WWOX: variants seen among roughly 807,000 people sequenced by gnomAD.
WWOX encodes WW domain-containing oxidoreductase.
Under a neutral mutation model 46.2 loss-of-function variants are expected in WWOX, and 69 were observed. That is an observed-to-expected ratio of 1.49 (90% CI 1.23 to 1.82). The LOEUF is 1.82. Among genes scored for constraint, WWOX ranks in the 40% most tolerant of loss-of-function variants. The pLI is 0.00. For missense variants in WWOX, 919 were observed against 542.6 expected (o/e 1.69, Z -6.89); for synonymous variants, 359 against 202.6 (o/e 1.77, Z -6.56).
chr16:78,397,028 A>C (rs544942246), intron 6 of WWOX, among the ~76,000 whole-genome samples: 10 of 152,322 alleles, frequency 6.6e-5, no homozygotes, highest in African/African-American at 2.2e-4. Context: ...TTTTTCTTAG[A>C]AAATGGGTTA....
chr16:78,781,659 T>A (rs2050329096), intron 8 of WWOX, among the ~76,000 whole-genome samples: 2 of 152,178 alleles, frequency 1.3e-5, no homozygotes, highest in Non-Finnish European at 2.9e-5. Context: ...TGGTGGCTCA[T>A]GCCTCTAATC....
intron 8 of WWOX, among the ~76,000 whole-genome samples, chr16:78,452,478 T>C (rs553231632): frequency 5.7e-4 from 84 of 147,780 alleles, no homozygotes; most frequent in African/African-American, 2.1e-3. Flanking sequence ...TCTCTCTCTT[T>C]TTTTTTTTTT....
intron 8 of WWOX, among the ~76,000 whole-genome samples, chr16:78,902,999 T>C (rs113074365): frequency 6.0e-4 from 91 of 152,320 alleles, no homozygotes; most frequent in African/African-American, 2.1e-3. Flanking sequence ...GTGTCCGGGT[T>C]CTTGGCATTT....
intron 8 of WWOX, among the ~76,000 whole-genome samples, chr16:79,200,586 G>T (rs2051327577): frequency 6.6e-6 from 1 of 152,116 alleles, no homozygotes; most frequent in African/African-American, 2.4e-5. Flanking sequence ...ACAGGTCGTT[G>T]GCACCTAAGA....
rs79774852 is a variant in WWOX, at chr16:78,514,748, C to G, written c.1056+81996C>G. Among the ~76,000 whole-genome samples, 496 of 152,296 alleles carry G rather than the reference C, an allele frequency of 3.3e-3. 2 individuals carry two copies. The highest frequency in any genetic ancestry group is 0.01 in the Middle Eastern group (3 of 294). ...CAGGGTGGTTTTCTGGCTATATAAACACACAGGCATTGAAAATAGATATAC... is the reference window on the plus strand; with the variant it reads ...CAGGGTGGTTTTCTGGCTATATAAAGACACAGGCATTGAAAATAGATATAC... On this transcript the variant is annotated intron_variant, in intron 8 of 8. Transcript: ENST00000566780.
chr16:79,127,384 G>T (rs1219895794), intron 8 of WWOX, among the ~76,000 whole-genome samples: 1 of 151,990 alleles, frequency 6.6e-6, no homozygotes, highest in Non-Finnish European at 1.5e-5. Context: ...TACACACCTT[G>T]CTCTTTTTGC....
At chr16:78,761,318 T>G (rs1053046999) in intron 8 of WWOX, among the ~76,000 whole-genome samples, 6 of 152,198 alleles carry the variant, frequency 3.9e-5, no homozygotes, top group Admixed American at 2.6e-4. Flanking sequence ...TCTGTTTGGA[T>G]TTTCCTGGCC....
At chr16:78,609,998 C>T (rs974970975) in intron 8 of WWOX, among the ~76,000 whole-genome samples, 3 of 118,392 alleles carry the variant, frequency 2.5e-5, no homozygotes, top group Non-Finnish European at 4.8e-5. Context: ...GTGACGCAAA[C>T]GACCTTTATT....
At chr16:78,507,028 A>C (rs1466707327) in intron 8 of WWOX, among the ~76,000 whole-genome samples, 1 of 152,134 alleles carries the variant, frequency 6.6e-6, no homozygotes, top group Non-Finnish European at 1.5e-5. Context: ...GGTCCCTTCT[A>C]ACCTGTGCTG....
At chr16:78,894,897 C>T (rs2044668145) in intron 8 of WWOX, among the ~76,000 whole-genome samples, 1 of 152,138 alleles carries the variant, frequency 6.6e-6, no homozygotes, top group Non-Finnish European at 1.5e-5. Flanking sequence ...TCGGAATTTT[C>T]AATCAGAAAT....
chr16:78,568,764 A>G (rs1047588284), intron 8 of WWOX, among the ~76,000 whole-genome samples: 19 of 152,146 alleles, frequency 1.2e-4, no homozygotes, highest in Admixed American at 7.9e-4. Flanking sequence ...CATGAGCCAC[A>G]GCGTCCAGCC....
chr16:78,894,049 T>TATTATTATTATTATTATTATTATTATA (rs879592229), intron 8 of WWOX, among the ~76,000 whole-genome samples: 1 of 148,130 alleles, frequency 6.8e-6, no homozygotes, highest in Admixed American at 6.8e-5. Context: ...TTATTATTAT[T>TATTATTATTATTATTATTATTATTATA]ATATTTTGAG....
chr16:78,870,427 C>G (rs1365026189), intron 8 of WWOX, among the ~76,000 whole-genome samples: 4 of 152,106 alleles, frequency 2.6e-5, no homozygotes, highest in African/African-American at 9.7e-5. Context: ...GCTTGAATGA[C>G]CTGCCATCAT....
At chr16:78,720,980 G>C (rs574160950) in intron 8 of WWOX, among the ~76,000 whole-genome samples, 13 of 152,216 alleles carry the variant, frequency 8.5e-5, no homozygotes, top group African/African-American at 3.1e-4. Flanking sequence ...AATCACCACC[G>C]TGCCTGGAGA....
chr16:78,860,096 A>G (rs11642489), intron 8 of WWOX, among the ~76,000 whole-genome samples: 34,260 of 152,118 alleles, frequency 0.23, 4,099 homozygotes, highest in South Asian at 0.33. Context: ...ACAAACACAT[A>G]AACTTTTGGC....
chr16:79,167,719 G>T (rs1216698934), intron 8 of WWOX, among the ~76,000 whole-genome samples: 1 of 152,098 alleles, frequency 6.6e-6, no homozygotes, highest in African/African-American at 2.4e-5. Context: ...GTTTTGTTTC[G>T]TTTCCCTGCA....
intron 8 of WWOX, chr16:78,873,005 C>G (rs991630486): frequency 1.3e-5 from 2 of 152,382 alleles, no homozygotes; most frequent in African/African-American, 4.8e-5. Context: ...CTATGCTGCC[C>G]AGGCTGGTCT....
At chr16:78,892,400 A>C (rs549163922) in intron 8 of WWOX, 2 of 152,116 alleles carry the variant, frequency 1.3e-5, no homozygotes, top group African/African-American at 4.8e-5. Flanking sequence ...AGAAATTAAT[A>C]CTCTAATGAG....
intron 8 of WWOX, among the ~76,000 whole-genome samples, chr16:78,987,371 A>G (rs987810971): frequency 1.3e-5 from 2 of 152,140 alleles, no homozygotes; most frequent in African/African-American, 4.8e-5. Context: ...AAAATTTAAG[A>G]ATATTTTCCT....
Sources: gnomAD v4.1 joint callset for allele counts (sites outside exome capture counted in the v4.1 genomes callset) on GRCh38, gnomAD v4.1.1 for gene constraint, MANE v1.5 for transcripts, NCBI Gene and HGNC (gene_info 2026-07-23, HGNC 2026-07-21) for gene names.